KIAA0408: variants seen among roughly 807,000 people sequenced by gnomAD.
KIAA0408 encodes the protein KIAA0408.
Under a neutral mutation model 60.9 loss-of-function variants are expected in KIAA0408, and 51 were observed. The ratio of observed to expected loss-of-function variants is 0.84; its 90% CI spans 0.67 to 1.06. The LOEUF (loss-of-function observed/expected upper bound fraction) is 1.06. KIAA0408 is among the 50% of genes least tolerant of loss of function. KIAA0408 has a pLI of 0.00. For missense variants in KIAA0408, 787 were observed against 833.9 expected (o/e 0.94, Z 0.69); for synonymous variants, 304 against 282.4 (o/e 1.08, Z -0.77).
In KIAA0408 at chr6:127,450,181, T is replaced by C. The variant is rs1327129687; in HGVS notation, c.307A>G (p.Lys103Glu). The change falls in exon 3 of 6, where the codon AAA becomes GAA. Residue 103 changes from lysine to glutamate, a missense_variant. This residue lies in a region of KIAA0408 where 640 missense variants were observed against 681.3 expected (regional missense o/e 0.94). Transcript: ENST00000483725. The part of the protein sequence containing the change: ...IRTNHKDGLR[K>E]ENKREQSLVS... ...AAGCTCTGCTCTCTTTTATTTTCTT[T>C]TCTCAGACCATCTTTGTGATTCGTC... 1.2e-6 allele frequency: 2 copies of C among 1,613,970 alleles called. No individual in the cohort carries two copies. Among genetic ancestry groups the C allele is most frequent in the African/African-American group, 2.7e-5 (2 of 74,914 alleles).
Position 127,446,951 on chromosome 6 carries a change from A to G in KIAA0408, c.1368T>C (p.Cys456=). ...NRTVFRTDRN[C]QAIQQNHSCS... ...AGCTGTGATTTTGCTGTATTGCCTG[A>G]CAATTTCTATCTGTTCTAAATACAG... Residue 456 remains cysteine, a synonymous_variant, in exon 5 of 6, where the codon TGT becomes TGC. Transcript: ENST00000483725. The G allele has an allele frequency of 6.2e-7, 1 of 1,614,058 alleles. No homozygotes were observed. Among genetic ancestry groups the G allele is most frequent in the Non-Finnish European group, 8.5e-7 (1 of 1,179,996 alleles).
chr6:127,447,676 T>C lies in KIAA0408; in HGVS notation c.643A>G (p.Met215Val), dbSNP rs942223965. The change falls in exon 5 of 6, where the codon ATG becomes GTG. Residue 215 changes from methionine (M) to valine (V), a missense_variant. This residue lies in a region of KIAA0408 where 640 missense variants were observed against 681.3 expected (regional missense o/e 0.94). Transcript: ENST00000483725. ...NVTNIPHGDP[M>V]INNDQCILPI... ...AGAATGCACTGGTCATTGTTGATCA[T>C]GGGGTCCCCATGAGGTATATTAGTT... 3 of 1,597,232 alleles carry C rather than the reference T, an allele frequency of 1.9e-6. No individual in the cohort carries two copies. Among genetic ancestry groups the C allele is most frequent in the African/African-American group, 1.4e-5 (1 of 73,676 alleles).
Position 127,446,537 on chromosome 6 carries a change from A to G in KIAA0408, c.1782T>C (p.Asp594=). The G allele has an allele frequency of 6.2e-7, 1 of 1,614,168 alleles. No individual in the cohort carries two copies. Among genetic ancestry groups the G allele is most frequent in the Non-Finnish European group, 8.5e-7 (1 of 1,180,018 alleles). Residue 594 remains aspartate, a synonymous_variant, in exon 5 of 6, where the codon GAT becomes GAC. Transcript: ENST00000483725. ...FQDNWTKCNS[D]VSGGATLSQH... ...GACTTAATGTGGCACCACCACTGAC[A>G]TCAGAATTACATTTGGTCCAATTAT...
rs551700547 is a variant in KIAA0408 at position 127,454,574 on chromosome 6, CA to C, written c.-120-474del. ...CAGTCTTAATTCTATATTCAGAGATCAAGCCTGTGCCAAATGTCATTACTGT... is the reference window on the plus strand; with the variant it reads ...CAGTCTTAATTCTATATTCAGAGATCAGCCTGTGCCAAATGTCATTACTGT... On this transcript the variant is annotated intron_variant, in intron 1 of 5. Coordinates refer to ENST00000483725, the MANE Select transcript of KIAA0408 (RefSeq NM_014702.5). Among the ~76,000 whole-genome samples the C allele has an allele frequency of 3.2e-3, 480 of 152,194 alleles. 3 individuals carry two copies. The highest frequency in any genetic ancestry group is 3.4e-3 in the Non-Finnish European group (230 of 67,976).
At chr6:127,445,897 CTA>C (rs1248829847) in intron 5 of KIAA0408, among the ~76,000 whole-genome samples, 2 of 151,978 alleles carry the variant, frequency 1.3e-5, no homozygotes. Flanking sequence ...TAAAAGGACT[CTA>C]TTAGGCACTG....
At chr6:127,446,371 T>C (rs1773193640) in intron 5 of KIAA0408, 37 bp downstream of exon 5, 1 of 1,571,986 alleles carries the variant, frequency 6.4e-7, no homozygotes, top group Admixed American at 1.8e-5. Context: ...ATTGCTAATA[T>C]GGATGCTACC....
intron 2 of KIAA0408, chr6:127,451,328 T>A (rs1390167383): frequency 2.2e-6 from 1 of 455,784 alleles, no homozygotes; most frequent in African/African-American, 2.0e-5. Context: ...CTGAAAAATA[T>A]ACAGTGTATT....
In KIAA0408 at chr6:127,441,893, G is replaced by A. The variant is rs150196586; in HGVS notation, c.*2216C>T. The A allele has an allele frequency of 1.6e-4, 24 of 151,852 alleles. No homozygotes were observed. Among genetic ancestry groups the A allele is most frequent in the African/African-American group, 5.3e-4 (22 of 41,332 alleles). The allele number at this position is 151,852 out of a possible 1,614,324, so 9.4% of individuals were successfully genotyped here. On this transcript the variant is annotated 3_prime_UTR_variant, in exon 6 of 6. Transcript: ENST00000483725. Reference sequence around the variant, plus strand: ...ATAATTTTAGTCAACATAAGAAGACGTTAAAATGTGTCCCACTGGTTCATT... The same window carrying A: ...ATAATTTTAGTCAACATAAGAAGACATTAAAATGTGTCCCACTGGTTCATT...
chr6:127,451,074 T>G (rs1773294714), intron 2 of KIAA0408: 1 of 290,208 alleles, frequency 3.4e-6, no homozygotes, highest in South Asian at 3.2e-5. Context: ...TAGTTGAACC[T>G]GCACACACTC....
chr6:127,453,894 T>G lies in KIAA0408; in HGVS notation c.88A>C (p.Lys30Gln), dbSNP rs541026673. The part of the protein sequence containing the change: ...ELLDQFDNER[K>Q]EWESQWKIMQ... Reference sequence around the variant, plus strand: ...ATCTTCCATTGACTTTCCCATTCCTTTCTTTCATTGTCAAACTGGTCCAGT... The same window carrying G: ...ATCTTCCATTGACTTTCCCATTCCTGTCTTTCATTGTCAAACTGGTCCAGT... Residue 30 changes from lysine to glutamine, a missense_variant, in exon 2 of 6, where the codon AAG (lysine) becomes CAG (glutamine). Around this residue, in one of 3 missense-constraint regions of KIAA0408, gnomAD observed 640 missense variants for 681.3 expected, o/e 0.94. Coordinates refer to ENST00000483725, the MANE Select transcript of KIAA0408 (RefSeq NM_014702.5). 1 of 1,613,026 alleles carries G rather than the reference T, an allele frequency of 6.2e-7. No individual in the cohort carries two copies. Among genetic ancestry groups the G allele is most frequent in the African/African-American group, 1.3e-5 (1 of 74,970 alleles).
In KIAA0408 at chr6:127,447,581, G is replaced by A. The variant is rs571521793; in HGVS notation, c.738C>T (p.Ser246=). The A allele has an allele frequency of 1.9e-6, 3 of 1,611,764 alleles. No individual in the cohort carries two copies. The highest frequency in any genetic ancestry group is 1.3e-5 in the African/African-American group (1 of 74,720). The change falls in exon 5 of 6, where the codon AGC becomes AGT. Residue 246 remains serine, a synonymous_variant. Transcript: ENST00000483725. ...CAATTCCACATTTTTTCGTAGAATT[G>A]CTCTGGAGCACATTGGTACAGCTCA... The part of the protein sequence containing the change: ...KNLSCTNVLQ[S]NSTKKCGIDT...
intron 4 of KIAA0408, among the ~76,000 whole-genome samples, 156 bp downstream of exon 4, chr6:127,449,666 A>G (rs1277821565): frequency 6.6e-6 from 1 of 152,176 alleles, no homozygotes; most frequent in Admixed American, 6.5e-5. Flanking sequence ...ACAAACGAGC[A>G]AACAAAAAAT....
rs764213542 is a variant in KIAA0408 at position 127,439,702 on chromosome 6, A to C, written c.*4407T>G. 1 of 152,100 alleles carries C rather than the reference A, an allele frequency of 6.6e-6. No individual in the cohort carries two copies. Among genetic ancestry groups the C allele is most frequent in the Non-Finnish European group, 1.5e-5 (1 of 68,040 alleles). 9.4% of individuals were successfully genotyped at this position (152,100 alleles called of 1,614,324 possible). A position where few individuals can be genotyped will look rare whatever the true frequency, so the allele number is the denominator to read the frequency against. On this transcript the variant is annotated 3_prime_UTR_variant, in exon 6 of 6. Coordinates refer to ENST00000483725, the MANE Select transcript of KIAA0408 (RefSeq NM_014702.5). ...AGTCTGAAGAGCCATCTATTTAACT[A>C]TCATCTTCAAAAATATTTATTCTAA...
At position 127,441,750 on chromosome 6, in the gene KIAA0408, A is replaced by G. The variant is rs966207348; in HGVS notation, c.*2359T>C. 1 of 152,216 alleles carries G rather than the reference A, an allele frequency of 6.6e-6. No homozygotes were observed. The highest frequency in any genetic ancestry group is 2.4e-5 in the African/African-American group (1 of 41,454). The allele number at this position is 152,216 out of a possible 1,614,324, so 9.4% of individuals were successfully genotyped here. On this transcript the variant is annotated 3_prime_UTR_variant, in exon 6 of 6. Transcript: ENST00000483725. ...TTCCATTTACCTAATAGGTTTTTCC[A>G]TTTAAAAGTTATAAAATATTTAAAA...
intron 4 of KIAA0408, 49 bp from the exon 5 acceptor site, chr6:127,447,789 A>G: frequency 1.4e-6 from 2 of 1,454,442 alleles, no homozygotes; most frequent in Admixed American, 2.6e-5. Flanking sequence ...TATTTAGAAT[A>G]AGCTCTCAAA....
intron 4 of KIAA0408, among the ~76,000 whole-genome samples, chr6:127,449,502 A>G (rs1773261044): frequency 6.6e-6 from 1 of 151,956 alleles, no homozygotes; most frequent in African/African-American, 2.4e-5. Flanking sequence ...ATACAAAAAA[A>G]CTAGCTGGGC....
chr6:127,447,509 T>G lies in KIAA0408; in HGVS notation c.810A>C (p.Pro270=). The G allele has an allele frequency of 6.2e-7, 1 of 1,611,918 alleles. No individual in the cohort carries two copies. Among genetic ancestry groups the G allele is most frequent in the Non-Finnish European group, 8.5e-7 (1 of 1,179,454 alleles). Residue 270 remains proline (P), a synonymous_variant, in exon 5 of 6, where the codon CCA becomes CCC. Coordinates refer to ENST00000483725, the MANE Select transcript of KIAA0408 (RefSeq NM_014702.5). ...TGGGAAAATTTCGAGAGGTGCTTCT[T>G]GGAGGAGGAACTGGTGGAGTTTCAT... ...KRNETPPVPP[P]RSTSRNFPSS...
rs1175096782 is a variant in KIAA0408, at chr6:127,454,085, T to C, written c.-104A>G. On this transcript the variant is annotated 5_prime_UTR_variant, in exon 2 of 6. Transcript: ENST00000483725. ...TTGTTTTATTTGAAGCAGTCTCACTTGCCTTTAAAATAAAGCCTAATATAA... is the reference window on the plus strand; with the variant it reads ...TTGTTTTATTTGAAGCAGTCTCACTCGCCTTTAAAATAAAGCCTAATATAA... The C allele has an allele frequency of 6.9e-7, 1 of 1,448,494 alleles. No homozygotes were observed. The highest frequency in any genetic ancestry group is 9.1e-7 in the Non-Finnish European group (1 of 1,102,520). 89.7% of individuals were successfully genotyped at this position (1,448,494 alleles called of 1,614,324 possible).
chr6:127,446,663 C>T lies in KIAA0408; in HGVS notation c.1656G>A (p.Arg552=). The change falls in exon 5 of 6, where the codon AGG becomes AGA. Residue 552 remains arginine (R), a synonymous_variant. Coordinates refer to ENST00000483725, the MANE Select transcript of KIAA0408 (RefSeq NM_014702.5). ...WRPSNLSGRP[R]SADPRSNYGV... Reference sequence around the variant, plus strand: ...CATAATTTGACCTGGGATCAGCTGACCTCGGACGGCCAGACAAATTACTCG... The same window carrying T: ...CATAATTTGACCTGGGATCAGCTGATCTCGGACGGCCAGACAAATTACTCG... 6.2e-7 allele frequency: 1 copy of T among 1,613,976 alleles called. No individual in the cohort carries two copies. Among genetic ancestry groups the T allele is most frequent in the Non-Finnish European group, 8.5e-7 (1 of 1,179,978 alleles).
Sources: allele counts gnomAD v4.1 joint callset (sites outside exome capture counted in the v4.1 genomes callset), GRCh38; gene constraint gnomAD v4.1.1; regional missense constraint gnomAD v4.1.1; transcripts MANE v1.5; gene names NCBI Gene and HGNC (gene_info 2026-07-23, HGNC 2026-07-21).